The following TNFSF4 variants were observed in gnomAD, a reference collection of about 807,000 sequenced individuals.
TNFSF4 encodes tumor necrosis factor ligand superfamily member 4.
Under a neutral mutation model 7.3 loss-of-function variants are expected in TNFSF4, and 4 were observed. The observed-to-expected ratio is 0.55, with a 90% CI of 0.27 to 1.25. TNFSF4 has a LOEUF of 1.25. Among genes scored for constraint, TNFSF4 ranks in the 50% most tolerant of loss-of-function variants. The probability of loss-of-function intolerance (pLI) is 0.12; values close to 1 mark genes in which losing one functional copy is unlikely to be tolerated. For synonymous variants in TNFSF4, 76 were observed against 83.7 expected, an observed-to-expected ratio of 0.91 and a Z score of 0.50; for missense variants, 181 against 208.8, an observed-to-expected ratio of 0.87 and a Z score of 0.82.
At chr1:173,409,035 C>T in the TNFSF4 span, among the ~76,000 whole-genome samples, 12 of 152,284 alleles carry the variant, frequency 7.9e-5, no homozygotes, top group African/African-American at 2.6e-4. Flanking sequence ...ATAAGACAAA[C>T]TGAAATTGTG....
the TNFSF4 span, among the ~76,000 whole-genome samples, chr1:173,333,549 G>T: frequency 6.6e-6 from 1 of 151,660 alleles, no homozygotes; most frequent in Non-Finnish European, 1.5e-5. Context: ...TGGGGCCCCC[G>T]TGATGGGAAT....
the TNFSF4 span, among the ~76,000 whole-genome samples, chr1:173,398,664 G>A: frequency 6.6e-6 from 1 of 151,712 alleles, no homozygotes; most frequent in Non-Finnish European, 1.5e-5. Flanking sequence ...CTGACCTCGT[G>A]ATCCACCCGC....
chr1:173,182,810 C>T (rs1243574357), downstream of TNFSF4, among the ~76,000 whole-genome samples: 1 of 152,170 alleles, frequency 6.6e-6, no homozygotes, highest in Non-Finnish European at 1.5e-5. Context: ...GAGACCACAA[C>T]TCAAATGCCT....
chr1:173,363,241 G>A, the TNFSF4 span: 1 of 289,874 alleles, frequency 3.4e-6, no homozygotes, highest in Non-Finnish European at 7.0e-6. Context: ...TCTTTCTAGG[G>A]AAACCTGTTT....
the TNFSF4 span, among the ~76,000 whole-genome samples, chr1:173,426,159 C>T: frequency 6.6e-6 from 1 of 152,156 alleles, no homozygotes. Flanking sequence ...TTCCTTCCTG[C>T]GAGTCAGTCT....
At chr1:173,183,051 C>A (rs778867181), downstream of TNFSF4, among the ~76,000 whole-genome samples, 1 of 152,150 alleles carries the variant, frequency 6.6e-6, no homozygotes, top group Non-Finnish European at 1.5e-5. Context: ...ATATCAGCTA[C>A]TAAATTCAAC....
the TNFSF4 span, among the ~76,000 whole-genome samples, chr1:173,357,991 G>GT: frequency 1.3e-5 from 2 of 152,226 alleles, no homozygotes; most frequent in African/African-American, 4.8e-5. Context: ...CTGTAACTAT[G>GT]TAAGTTGCAT....
At chr1:173,366,785 T>G in the TNFSF4 span, among the ~76,000 whole-genome samples, 1 of 83,204 alleles carries the variant, frequency 1.2e-5, no homozygotes, top group Admixed American at 1.3e-4. Context: ...AATTAAAACT[T>G]AAAAATTAAA....
the TNFSF4 span, among the ~76,000 whole-genome samples, chr1:173,419,199 G>A: frequency 6.6e-5 from 10 of 152,084 alleles, no homozygotes; most frequent in African/African-American, 1.7e-4. Flanking sequence ...AAAATTAGCC[G>A]GGTGTGGTGG....
chr1:173,370,038 A>T, the TNFSF4 span, among the ~76,000 whole-genome samples: 1 of 152,054 alleles, frequency 6.6e-6, no homozygotes, highest in Non-Finnish European at 1.5e-5. Context: ...CTGGGCTATC[A>T]GTTATGTCCC....
the TNFSF4 span, among the ~76,000 whole-genome samples, chr1:173,444,326 T>C: frequency 6.6e-6 from 1 of 152,008 alleles, no homozygotes. Flanking sequence ...CTAAAACCAG[T>C]ATTTACTTCT....
chr1:173,298,200 A>G, the TNFSF4 span, among the ~76,000 whole-genome samples: 2 of 151,916 alleles, frequency 1.3e-5, no homozygotes, highest in African/African-American at 4.8e-5. Context: ...GCTTGAGTCA[A>G]AGTGGTGTTA....
chr1:173,290,432 G>A, the TNFSF4 span, among the ~76,000 whole-genome samples: 8 of 151,734 alleles, frequency 5.3e-5, no homozygotes, highest in Non-Finnish European at 1.0e-4. Flanking sequence ...AAAGAGCAGG[G>A]GTTACTATTC....
the TNFSF4 span, among the ~76,000 whole-genome samples, chr1:173,425,158 G>T: frequency 6.6e-6 from 1 of 152,066 alleles, no homozygotes; most frequent in African/African-American, 2.4e-5. Flanking sequence ...GATTTTCGAT[G>T]ATGTCTTGGT....
At chr1:173,216,378 C>T in the TNFSF4 span, among the ~76,000 whole-genome samples, 1 of 152,214 alleles carries the variant, frequency 6.6e-6, no homozygotes, top group Admixed American at 6.5e-5. Flanking sequence ...GCTTTTGAAA[C>T]TCTAAAGTCA....
chr1:173,409,278 T>C, the TNFSF4 span, among the ~76,000 whole-genome samples: 1 of 152,160 alleles, frequency 6.6e-6, no homozygotes, highest in African/African-American at 2.4e-5. Context: ...AACAACCAAA[T>C]GCAGTGCTTG....
the TNFSF4 span, among the ~76,000 whole-genome samples, chr1:173,228,961 A>T: frequency 1.3e-5 from 2 of 152,228 alleles, no homozygotes; most frequent in African/African-American, 4.8e-5. Flanking sequence ...TGACTGGTGT[A>T]CCTGAAAGTG....
chr1:173,232,783 G>C, the TNFSF4 span, among the ~76,000 whole-genome samples: 338 of 152,212 alleles, frequency 2.2e-3, 2 homozygotes, highest in African/African-American at 6.5e-3. Context: ...ATTGATTTGT[G>C]TATGTTGAAC....
the TNFSF4 span, among the ~76,000 whole-genome samples, chr1:173,305,030 T>G: frequency 6.6e-6 from 1 of 151,920 alleles, no homozygotes; most frequent in African/African-American, 2.4e-5. Flanking sequence ...CCATAGGACA[T>G]AATCCCCTAG....
Sources: allele counts gnomAD v4.1 joint callset (sites outside exome capture counted in the v4.1 genomes callset), GRCh38; gene constraint gnomAD v4.1.1; transcripts MANE v1.5; gene names NCBI Gene and HGNC (gene_info 2026-07-23, HGNC 2026-07-21).